FAM13A: variants seen among roughly 807,000 people sequenced by gnomAD.
FAM13A encodes family with sequence similarity 13 member A.
Under a neutral mutation model 129.6 loss-of-function variants are expected in FAM13A, and 76 were observed. The observed-to-expected ratio is 0.59, with a 90% CI of 0.49 to 0.71. FAM13A has a LOEUF of 0.71. Among genes scored for constraint, FAM13A ranks in the 30% least tolerant of loss-of-function variants. FAM13A has a pLI of 0.00. For synonymous variants in FAM13A, 443 were observed against 449.9 expected, an observed-to-expected ratio of 0.98 and a Z score of 0.20; for missense variants, 1,108 against 1,249.3, an observed-to-expected ratio of 0.89 and a Z score of 1.70.
intron 6 of FAM13A, among the ~76,000 whole-genome samples, chr4:88,857,681 T>C (rs1379676580): frequency 6.8e-6 from 1 of 146,468 alleles, no homozygotes; most frequent in Non-Finnish European, 1.5e-5. Context: ...ATCAAATCAA[T>C]TACAGGTTCA....
At chr4:88,938,324 T>A (rs1754170485) in intron 4 of FAM13A, 83 bp from the exon 5 acceptor site, 1 of 1,081,940 alleles carries the variant, frequency 9.2e-7, no homozygotes. Context: ...TATTTTGAAA[T>A]CTCCTGAATA....
chr4:88,762,579 G>GT (rs1463055933), intron 13 of FAM13A, among the ~76,000 whole-genome samples: 1 of 152,062 alleles, frequency 6.6e-6, no homozygotes, highest in Non-Finnish European at 1.5e-5. Context: ...ACTGCTGATG[G>GT]TTTTTTGTGC....
intron 4 of FAM13A, among the ~76,000 whole-genome samples, chr4:88,984,944 C>T (rs999788103): frequency 1.4e-4 from 21 of 151,980 alleles, no homozygotes; most frequent in African/African-American, 3.6e-4. Flanking sequence ...AGTTATATAC[C>T]CAAGAGAAAT....
chr4:88,766,875 T>A (rs1745794723), intron 13 of FAM13A, among the ~76,000 whole-genome samples: 1 of 152,160 alleles, frequency 6.6e-6, no homozygotes, highest in South Asian at 2.1e-4. Flanking sequence ...CTGATAAGAT[T>A]GAAGGTGGAG....
chr4:88,980,543 T>C (rs936222270), intron 4 of FAM13A, among the ~76,000 whole-genome samples: 7 of 151,310 alleles, frequency 4.6e-5, no homozygotes, highest in Non-Finnish European at 1.0e-4. Context: ...CAATCACCCA[T>C]TCTTTAATAT....
chr4:88,912,862 T>C (rs1462294999), intron 5 of FAM13A, among the ~76,000 whole-genome samples: 1 of 152,104 alleles, frequency 6.6e-6, no homozygotes, highest in Non-Finnish European at 1.5e-5. Context: ...ATTCCTGTGG[T>C]CCTAGATACT....
At chr4:89,011,646 T>C (rs1443558985) in intron 3 of FAM13A, among the ~76,000 whole-genome samples, 2 of 152,186 alleles carry the variant, frequency 1.3e-5, no homozygotes, top group Admixed American at 1.3e-4. Context: ...CAATGGTATC[T>C]TTTGCTAATC....
intron 7 of FAM13A, among the ~76,000 whole-genome samples, chr4:88,840,315 AT>A (rs1735606846): frequency 1.3e-5 from 2 of 152,234 alleles, no homozygotes; most frequent in Non-Finnish European, 2.9e-5. Flanking sequence ...AGGAAAGGAT[AT>A]AAAGACAGCA....
At chr4:88,940,013 G>C (rs1754494478) in intron 4 of FAM13A, among the ~76,000 whole-genome samples, 1 of 152,200 alleles carries the variant, frequency 6.6e-6, no homozygotes, top group South Asian at 2.1e-4. Flanking sequence ...ATTCAGTTAA[G>C]TTGTGCCCAG....
chr4:88,926,526 C>G (rs936832202), intron 5 of FAM13A, among the ~76,000 whole-genome samples: 2 of 152,084 alleles, frequency 1.3e-5, no homozygotes, highest in Non-Finnish European at 2.9e-5. Flanking sequence ...TAAGCAAAAG[C>G]AATTTAGTCT....
intron 14 of FAM13A, among the ~76,000 whole-genome samples, chr4:88,758,553 T>G (rs1578520210): frequency 6.6e-6 from 1 of 152,132 alleles, no homozygotes; most frequent in Non-Finnish European, 1.5e-5. Flanking sequence ...GTTTTCTTTC[T>G]TAGATTGCAA....
chr4:88,788,467 A>T (rs1346494549), intron 9 of FAM13A, among the ~76,000 whole-genome samples: 1 of 152,194 alleles, frequency 6.6e-6, no homozygotes, highest in African/African-American at 2.4e-5. Context: ...AGAACTCACA[A>T]CAGCATGGCA....
At chr4:88,823,207 T>C (rs1732381511) in intron 7 of FAM13A, 4 of 1,429,614 alleles carry the variant, frequency 2.8e-6, no homozygotes, top group South Asian at 1.5e-5. Context: ...GCAATGCTAT[T>C]TTATCGGCTG....
chr4:88,867,070 C>T (rs1379931), intron 6 of FAM13A, among the ~76,000 whole-genome samples: 151,878 of 152,342 alleles, frequency 1, 75,709 homozygotes, highest in Middle Eastern at 1. Context: ...TAGTAAATAC[C>T]GAATCATTGC....
chr4:88,788,035 A>T (rs547374527), intron 9 of FAM13A, 103 bp from the exon 10 acceptor site: 7 of 855,484 alleles, frequency 8.2e-6, no homozygotes, highest in African/African-American at 1.7e-5. Flanking sequence ...TTTCCAGTGG[A>T]AAGTCTTTAG....
At chr4:89,029,424 G>A (rs202244746) in intron 2 of FAM13A, 36 bp downstream of exon 2, 1,092 of 1,522,732 alleles carry the variant, frequency 7.2e-4, no homozygotes, top group Middle Eastern at 3.4e-3. Flanking sequence ...GCAAGGGACT[G>A]TGAAAATGAA....
intron 14 of FAM13A, among the ~76,000 whole-genome samples, chr4:88,758,471 A>C (rs1159102646): frequency 2.0e-5 from 3 of 151,758 alleles, no homozygotes; most frequent in Non-Finnish European, 4.4e-5. Flanking sequence ...ACATACACAT[A>C]TCAGCACTCC....
intron 8 of FAM13A, among the ~76,000 whole-genome samples, chr4:88,799,401 G>C (rs1291649206): frequency 1.3e-5 from 2 of 151,980 alleles, no homozygotes; most frequent in Non-Finnish European, 2.9e-5. Context: ...AATGTAAAAC[G>C]ATGTAGCTGC....
chr4:88,983,945 T>A (rs1761936898), intron 4 of FAM13A, among the ~76,000 whole-genome samples: 1 of 152,144 alleles, frequency 6.6e-6, no homozygotes, highest in African/African-American at 2.4e-5. Flanking sequence ...GGTACTGACA[T>A]AAGAATAGAT....
Sources: gnomAD v4.1 joint callset for allele counts (sites outside exome capture counted in the v4.1 genomes callset) on GRCh38, gnomAD v4.1.1 for gene constraint, MANE v1.5 for transcripts, NCBI Gene and HGNC (gene_info 2026-07-23, HGNC 2026-07-21) for gene names.